The following VPS13A variants were observed in gnomAD, a reference collection of about 807,000 sequenced individuals.
VPS13A encodes the protein intermembrane lipid transfer protein VPS13A.
VPS13A carries 264 observed loss-of-function variants against 390.9 expected under a neutral mutation model. The ratio of observed to expected loss-of-function variants is 0.68; its 90% CI spans 0.61 to 0.75. The LOEUF is 0.75. VPS13A is among the 30% of genes least tolerant of loss of function. The pLI is 0.00. For missense variants in VPS13A, 3,409 were observed against 3,733.9 expected (o/e 0.91, Z 2.27); for synonymous variants, 1,231 against 1,227.1 (o/e 1.00, Z -0.07).
At chr9:77,349,707 G>A (rs1331238313) in intron 52 of VPS13A, among the ~76,000 whole-genome samples, 1 of 151,978 alleles carries the variant, frequency 6.6e-6, no homozygotes, top group African/African-American at 2.4e-5. Context: ...GCAGAGGCGC[G>A]ATCTCAGCTC....
intron 67 of VPS13A, among the ~76,000 whole-genome samples, chr9:77,374,316 AAAAT>A (rs1233197520): frequency 3.9e-5 from 6 of 152,184 alleles, no homozygotes; most frequent in African/African-American, 1.4e-4. Context: ...CAATAATAAT[AAAAT>A]AAGACAATTA....
rs1587532717 is a variant in VPS13A at position 77,302,803 on chromosome 9, C to T, written c.3813-112C>T. 1.1e-5 allele frequency: 13 copies of T among 1,182,274 alleles called. No homozygotes were observed. In the East Asian group the frequency reaches 3.3e-4, roughly 30 times the overall value. The allele number at this position is 1,182,274 out of a possible 1,614,324, so 73.2% of individuals were successfully genotyped here. On this transcript the variant is annotated intron_variant, in intron 33 of 71. Transcript: ENST00000360280. ...ATAGATATTTTCCCTTTATACCCAACAAATTATTGATTTCTGCTATTTGCA... is the reference window on the plus strand; with the variant it reads ...ATAGATATTTTCCCTTTATACCCAATAAATTATTGATTTCTGCTATTTGCA...
intron 62 of VPS13A, among the ~76,000 whole-genome samples, chr9:77,368,657 A>C (rs1832575757): frequency 1.3e-5 from 2 of 152,174 alleles, no homozygotes; most frequent in African/African-American, 4.8e-5. Flanking sequence ...TATACCCACT[A>C]TGTGACCCTG....
intron 17 of VPS13A, among the ~76,000 whole-genome samples, chr9:77,234,677 G>A (rs1216430911): frequency 6.6e-6 from 1 of 151,898 alleles, no homozygotes; most frequent in Non-Finnish European, 1.5e-5. Flanking sequence ...TTTACTGGTA[G>A]GCAAGAAGTT....
At chr9:77,205,235 C>G in intron 3 of VPS13A, 78 bp from the exon 4 acceptor site, 1 of 759,460 alleles carries the variant, frequency 1.3e-6, no homozygotes, top group Non-Finnish European at 2.1e-6. Flanking sequence ...CAATGCCTGA[C>G]AGAAAATAGA....
In VPS13A at chr9:77,240,478, G is replaced by GTT. The variant is rs11351060; in HGVS notation, c.1900+2109_1900+2110dup. ...TGTGGTTTGTTTTTGTTATGTTTTT[G>GTT]TTTTTTTTTTTTTTTTTTGACAGTG... On this transcript the variant is annotated intron_variant, in intron 19 of 71. Transcript: ENST00000360280. Among the ~76,000 whole-genome samples the GTT allele has an allele frequency of 6.6e-4, 83 of 126,064 alleles. 3 individuals are homozygous for GTT. Among genetic ancestry groups the GTT allele is most frequent in the Admixed American group, 8.7e-4 (11 of 12,574 alleles). 82.7% of individuals were successfully genotyped at this position (126,064 alleles called of 152,430 possible). A position where few individuals can be genotyped will look rare whatever the true frequency, so the allele number is the denominator to read the frequency against.
chr9:77,409,440 C>A (rs1834797327), intron 71 of VPS13A, among the ~76,000 whole-genome samples: 1 of 152,184 alleles, frequency 6.6e-6, no homozygotes, highest in Admixed American at 6.5e-5. Flanking sequence ...TGGAACAAAG[C>A]TGGATGGAGA....
chr9:77,196,827 A>G (rs1421320851), intron 1 of VPS13A, among the ~76,000 whole-genome samples: 1 of 152,116 alleles, frequency 6.6e-6, no homozygotes. Context: ...CTCTTCAACA[A>G]ACTGATTTCA....
intron 42 of VPS13A, among the ~76,000 whole-genome samples, 194 bp downstream of exon 42, chr9:77,319,867 GAAAAAATTTTCCAAAA>G (rs1829637931): frequency 6.6e-6 from 1 of 151,870 alleles, no homozygotes; most frequent in South Asian, 2.1e-4. Context: ...TTTGAAGACT[GAAAAAATTTTCCAAAA>G]TTGAGAATGT....
chr9:77,184,877 A>G (rs1824238306), intron 1 of VPS13A, among the ~76,000 whole-genome samples: 1 of 152,106 alleles, frequency 6.6e-6, no homozygotes, highest in Non-Finnish European at 1.5e-5. Flanking sequence ...GAGGGCATGG[A>G]AGCTCCCCAC....
chr9:77,373,990 A>G (rs964486308), intron 67 of VPS13A, among the ~76,000 whole-genome samples: 3 of 152,196 alleles, frequency 2.0e-5, no homozygotes, highest in Non-Finnish European at 4.4e-5. Flanking sequence ...AAGTTAAGCA[A>G]GCTTTTCAGT....
At chr9:77,302,177 C>T (rs55885300) in intron 33 of VPS13A, among the ~76,000 whole-genome samples, 11,984 of 151,750 alleles carry the variant, frequency 0.079, 581 homozygotes, top group East Asian at 0.11. Context: ...AGGCTGATCT[C>T]GAACTCCTGA....
chr9:77,204,355 T>A (rs1825513198), intron 3 of VPS13A, among the ~76,000 whole-genome samples: 1 of 152,122 alleles, frequency 6.6e-6, no homozygotes, highest in South Asian at 2.1e-4. Context: ...ACCCCATACA[T>A]AGTGTTTTTG....
chr9:77,246,544 T>C (rs558564148), intron 19 of VPS13A, among the ~76,000 whole-genome samples: 3 of 152,246 alleles, frequency 2.0e-5, no homozygotes, highest in East Asian at 3.9e-4. Context: ...AAGTCAAATA[T>C]CTTTCATTTA....
chr9:77,287,928 G>A (rs1468901263), intron 31 of VPS13A, among the ~76,000 whole-genome samples: 1 of 152,136 alleles, frequency 6.6e-6, no homozygotes, highest in Non-Finnish European at 1.5e-5. Flanking sequence ...ACCTCTTTTA[G>A]TTATAATTCT....
At chr9:77,248,812 AC>A (rs1824982541) in intron 20 of VPS13A, among the ~76,000 whole-genome samples, 1 of 151,852 alleles carries the variant, frequency 6.6e-6, no homozygotes, top group African/African-American at 2.4e-5. Flanking sequence ...GCTCACTGCA[AC>A]CTCTGCCTCC....
At chr9:77,320,470 C>CT (rs1323574479) in intron 42 of VPS13A, among the ~76,000 whole-genome samples, 2 of 152,120 alleles carry the variant, frequency 1.3e-5, no homozygotes, top group Non-Finnish European at 2.9e-5. Flanking sequence ...AAGCAAGAGA[C>CT]TGCAGAATTA....
At chr9:77,356,889 G>T (rs765231964) in intron 55 of VPS13A, 22 bp downstream of exon 55, 5 of 1,612,540 alleles carry the variant, frequency 3.1e-6, no homozygotes, top group Non-Finnish European at 4.2e-6. Flanking sequence ...AAGTACTGAT[G>T]TGAAGTTTTA....
At chr9:77,293,112 C>T (rs1472054328) in intron 31 of VPS13A, among the ~76,000 whole-genome samples, 5 of 151,912 alleles carry the variant, frequency 3.3e-5, no homozygotes, top group Non-Finnish European at 5.9e-5. Context: ...ACACCTACTA[C>T]CTTGATTTTA....
Sources: allele counts gnomAD v4.1 joint callset (sites outside exome capture counted in the v4.1 genomes callset), GRCh38; gene constraint gnomAD v4.1.1; transcripts MANE v1.5; gene names NCBI Gene and HGNC (gene_info 2026-07-23, HGNC 2026-07-21).